The following CAPN8 variants were observed in gnomAD, a reference collection of about 807,000 sequenced individuals.
CAPN8 encodes the protein calpain-8.
Under a neutral mutation model 80.9 loss-of-function variants are expected in CAPN8, and 87 were observed. The observed-to-expected ratio is 1.07, with a 90% CI of 0.90 to 1.28. The LOEUF is 1.28. Ranked by LOEUF, CAPN8 falls within the 50% of genes most tolerant of loss-of-function variation. The pLI is 0.00. For synonymous variants in CAPN8, 299 were observed against 273.8 expected, an observed-to-expected ratio of 1.09 and a Z score of -0.91; for missense variants, 757 against 702.0, an observed-to-expected ratio of 1.08 and a Z score of -0.89.
In CAPN8 at chr1:223,622,846, C is replaced by T. The variant is rs1312616820; in HGVS notation, c.868G>A (p.Glu290Lys). 9.7e-6 allele frequency: 15 copies of T among 1,551,790 alleles called. No homozygotes were observed. The highest frequency in any genetic ancestry group is 1.2e-5 in the Non-Finnish European group (14 of 1,147,000). ...KLIRLRNPWG[E>K]VEWSGAWSDD... Reference sequence around the variant, plus strand: ...CTCCAGGCTCCCGACCACTCCACTTCACCCCATGGATTCCTGAGTCTGATC... The same window carrying T: ...CTCCAGGCTCCCGACCACTCCACTTTACCCCATGGATTCCTGAGTCTGATC... The change falls in exon 7 of 21, where the codon GAA becomes AAA. Residue 290 changes from glutamate to lysine, a missense_variant. Glu to Lys is a moderately conservative substitution (Grantham distance 56). Transcript: ENST00000366872.
intron 2 of CAPN8, among the ~76,000 whole-genome samples, chr1:223,641,663 C>T (rs1658046312): frequency 6.6e-6 from 1 of 152,164 alleles, no homozygotes; most frequent in South Asian, 2.1e-4. Context: ...CTAACTGTTC[C>T]CTGTTTGCAC....
At chr1:223,639,199 C>A (rs1418896651) in intron 2 of CAPN8, among the ~76,000 whole-genome samples, 2 of 152,046 alleles carry the variant, frequency 1.3e-5, no homozygotes, top group Non-Finnish European at 2.9e-5. Flanking sequence ...GAGATAGTGC[C>A]CCTGCACTCC....
chr1:223,609,245 AG>A lies in CAPN8; in HGVS notation c.1442del (p.Pro481LeufsTer21). 2.5e-6 allele frequency: 1 copy of A among 398,500 alleles called. No homozygotes were observed. The highest frequency in any genetic ancestry group is 4.4e-6 in the Non-Finnish European group (1 of 226,082). 24.7% of individuals were successfully genotyped at this position (398,500 alleles called of 1,614,324 possible). ...REVSGRARLP[P>X]GEYLVVPSTF... ...TGGATGGCACCACCAGGTACTCCCC[AG>A]GGGGCAGCCGGGCCCGGCCAGAGAC... On this transcript the variant is annotated frameshift_variant, in exon 12 of 21. Coordinates refer to ENST00000366872, the MANE Select transcript of CAPN8 (RefSeq NM_001143962.2). LOFTEE classifies it high-confidence loss of function.
At chr1:223,623,893 G>C (rs571379418) in intron 6 of CAPN8, among the ~76,000 whole-genome samples, 2 of 151,622 alleles carry the variant, frequency 1.3e-5, no homozygotes, top group African/African-American at 2.4e-5. Flanking sequence ...CCAGCTACTC[G>C]GGAGGCTGAG....
chr1:223,632,791 T>A (rs190829769), intron 2 of CAPN8, among the ~76,000 whole-genome samples: 1 of 152,332 alleles, frequency 6.6e-6, no homozygotes, highest in Non-Finnish European at 1.5e-5. Context: ...CTGGCCACCT[T>A]CGAGCTAGGG....
intron 7 of CAPN8, 44 bp downstream of exon 7, chr1:223,622,771 C>T (rs1322632681): frequency 5.5e-6 from 8 of 1,457,444 alleles, no homozygotes; most frequent in Non-Finnish European, 6.6e-6. Flanking sequence ...GACACCCTTC[C>T]GCAGAGGGAG....
intron 16 of CAPN8, among the ~76,000 whole-genome samples, chr1:223,549,007 G>A (rs1656709144): frequency 6.6e-6 from 1 of 151,662 alleles, no homozygotes; most frequent in African/African-American, 2.4e-5. Context: ...GAGTGTGGAG[G>A]GAGCAGGTGC....
At chr1:223,626,791 A>G (rs1048151049) in intron 5 of CAPN8, among the ~76,000 whole-genome samples, 198 bp downstream of exon 5, 1 of 152,138 alleles carries the variant, frequency 6.6e-6, no homozygotes, top group African/African-American at 2.4e-5. Flanking sequence ...AACTAACCCC[A>G]GTTCCTACCC....
rs1657151467 is a variant in CAPN8 at position 223,615,718 on chromosome 1, C to T, written c.1311+252G>A. 14 of 607,922 alleles carry T rather than the reference C, an allele frequency of 2.3e-5. No homozygotes were observed. In the East Asian group the frequency reaches 4.6e-4, roughly 20 times the overall value. 37.7% of individuals were successfully genotyped at this position (607,922 alleles called of 1,614,324 possible). On this transcript the variant is annotated intron_variant, in intron 10 of 20. Coordinates refer to ENST00000366872, the MANE Select transcript of CAPN8 (RefSeq NM_001143962.2). ...CTAATGAACACATGTACACTGAGCC[C>T]TCAATGACAGGCAAAGGTTAATGTA...
chr1:223,546,700 G>C (rs1039120908), intron 16 of CAPN8, among the ~76,000 whole-genome samples: 2 of 152,198 alleles, frequency 1.3e-5, no homozygotes, highest in Admixed American at 6.5e-5. Context: ...GAAGTTCAGA[G>C]CATTTAGTAA....
chr1:223,615,642 C>A, intron 10 of CAPN8: 1 of 462,834 alleles, frequency 2.2e-6, no homozygotes, highest in South Asian at 1.6e-5. Flanking sequence ...TGCCTTATGC[C>A]CCCATGTTCT....
chr1:223,557,428 G>A (rs921049295), intron 13 of CAPN8, among the ~76,000 whole-genome samples: 1 of 82,308 alleles, frequency 1.2e-5, no homozygotes, highest in South Asian at 4.4e-4. Flanking sequence ...CCATGAAGGT[G>A]GTCCTGCCCC....
intron 10 of CAPN8, among the ~76,000 whole-genome samples, chr1:223,612,668 T>C (rs1467783875): frequency 6.6e-6 from 1 of 152,144 alleles, no homozygotes; most frequent in African/African-American, 2.4e-5. Flanking sequence ...AGCCATAGTT[T>C]ATTCTGCCCT....
At chr1:223,663,200 G>A (rs1195030902) in intron 1 of CAPN8, among the ~76,000 whole-genome samples, 2 of 152,172 alleles carry the variant, frequency 1.3e-5, no homozygotes, top group Non-Finnish European at 2.9e-5. Context: ...AGACCACGAG[G>A]ACAGGTGAAG....
chr1:223,660,968 A>C (rs1263279842), intron 1 of CAPN8, among the ~76,000 whole-genome samples: 1 of 152,176 alleles, frequency 6.6e-6, no homozygotes, highest in Non-Finnish European at 1.5e-5. Flanking sequence ...GGAGTTTGAG[A>C]CCAGCCTCGC....
At position 223,552,381 on chromosome 1, in the gene CAPN8, T is replaced by C. The variant is rs886756057; in HGVS notation, c.1642-1364A>G. Among the ~76,000 whole-genome samples the C allele has an allele frequency of 8.4e-4, 128 of 152,148 alleles. 1 individual carries two copies. Among genetic ancestry groups the C allele is most frequent in the Middle Eastern group, 6.8e-3 (2 of 294 alleles). The stretch of plus-strand genomic sequence containing the variant: ...GAGTTCGAGACCAGCCTGGCCAATA[T>C]GGCGAAACCCTGTCTCTACTAAAAA... On this transcript the variant is annotated intron_variant, in intron 14 of 20. Transcript: ENST00000366872.
At position 223,642,646 on chromosome 1, in the gene CAPN8, C is replaced by T. The variant is rs73125697; in HGVS notation, c.307+11684G>A. The T allele has an allele frequency of 2.7e-3, 1,006 of 376,918 alleles. 9 individuals are homozygous for T. Among genetic ancestry groups the T allele is most frequent in the African/African-American group, 0.017 (820 of 47,144 alleles). 23.3% of individuals were successfully genotyped at this position (376,918 alleles called of 1,614,324 possible). On this transcript the variant is annotated intron_variant, in intron 2 of 20. Transcript: ENST00000366872. Reference sequence around the variant, plus strand: ...CAGAGGAAAGAACAGGAAAGGCTGACGGGTCATCTTTGAATCAGAAGCCAT... The same window carrying T: ...CAGAGGAAAGAACAGGAAAGGCTGATGGGTCATCTTTGAATCAGAAGCCAT...
At chr1:223,548,847 A>G (rs114704489) in intron 16 of CAPN8, among the ~76,000 whole-genome samples, 2,396 of 151,684 alleles carry the variant, frequency 0.016, 26 homozygotes, top group Non-Finnish European at 0.025. Context: ...ATAACTCTAA[A>G]CTATCAGTAG....
At position 223,616,160 on chromosome 1, in the gene CAPN8, G is replaced by A. The variant is rs1359306308; in HGVS notation, c.1136-15C>T. On this transcript the variant is annotated splice_polypyrimidine_tract_variant and intron_variant, in intron 9 of 20. Coordinates refer to ENST00000366872, the MANE Select transcript of CAPN8 (RefSeq NM_001143962.2). ...CCAGTACGTGGCTGGAAGTCACCCA[G>A]GTGATGGTGGTTCCCCACGTAGCGG... 2 of 1,540,720 alleles carry A rather than the reference G, an allele frequency of 1.3e-6. No individual in the cohort carries two copies.
Sources: allele counts gnomAD v4.1 joint callset (sites outside exome capture counted in the v4.1 genomes callset), GRCh38; gene constraint gnomAD v4.1.1; transcripts MANE v1.5; gene names NCBI Gene and HGNC (gene_info 2026-07-23, HGNC 2026-07-21).